ADCY3: variants seen among roughly 807,000 people sequenced by gnomAD.
ADCY3 encodes adenylate cyclase 3, also known as adenylate cyclase type 3.
Under a neutral mutation model 119.4 loss-of-function variants are expected in ADCY3, and 70 were observed. The observed-to-expected ratio is 0.59, with a 90% CI of 0.48 to 0.72. The LOEUF (loss-of-function observed/expected upper bound fraction) is 0.72, where lower values mean the gene tolerates loss of function less well. Ranked by LOEUF, ADCY3 falls within the 30% of genes least tolerant of loss-of-function variation. The pLI, the probability that ADCY3 is intolerant of heterozygous loss-of-function variation, is 0.00. For missense variants in ADCY3, 1,238 were observed against 1,541.6 expected, an observed-to-expected ratio of 0.80 and a Z score of 3.30; for synonymous variants, 672 against 621.4, an observed-to-expected ratio of 1.08 and a Z score of -1.21.
Position 24,897,947 on chromosome 2 carries a change from A to C in ADCY3, c.675+20366T>G, listed in dbSNP as rs1263902652. 3.9e-4 allele frequency among the ~76,000 whole-genome samples: 60 copies of C among 152,210 alleles called. 1 individual carries two copies. Among genetic ancestry groups the C allele is most frequent in the Admixed American group, 3.9e-3 (60 of 15,282 alleles). On this transcript the variant is annotated intron_variant, in intron 2 of 21. Transcript: ENST00000679454. The stretch of plus-strand genomic sequence containing the variant: ...ATCTTCCTGAAAGGTAGCAGGGCTC[A>C]GGTCAACTGCCTGCTCCAAAGCTTT...
Position 24,848,443 on chromosome 2 carries a change from C to T in ADCY3, c.826-6059G>A, listed in dbSNP as rs941443346. On this transcript the variant is annotated intron_variant, in intron 3 of 21. Coordinates refer to ENST00000679454, the MANE Select transcript of ADCY3 (RefSeq NM_004036.5). ...ATAAATATGTGGGTAAATCTCTGTT[C>T]GGGGCTCTCAGCTCTGAAGGCTGTG... 1.6e-4 allele frequency among the ~76,000 whole-genome samples: 24 copies of T among 152,140 alleles called. No homozygotes were observed. The East Asian group carries it at 2.1e-3, about 13-fold the overall frequency.
At chr2:24,863,452 G>T (rs1272424825) in intron 3 of ADCY3, among the ~76,000 whole-genome samples, 3 of 152,212 alleles carry the variant, frequency 2.0e-5, no homozygotes, top group Admixed American at 6.5e-5. Flanking sequence ...ATGGCCTATT[G>T]TGGGACCTTG....
At chr2:24,897,906 G>A (rs1035547286) in intron 2 of ADCY3, among the ~76,000 whole-genome samples, 2 of 152,116 alleles carry the variant, frequency 1.3e-5, no homozygotes, top group South Asian at 2.1e-4. Context: ...AGCCATCACC[G>A]TTCGCTGCCA....
chr2:24,856,428 G>A (rs925061917), intron 3 of ADCY3, among the ~76,000 whole-genome samples: 2 of 152,134 alleles, frequency 1.3e-5, no homozygotes, highest in Admixed American at 1.3e-4. Context: ...TCTTGGTCCC[G>A]ATTAATCCAG....
At chr2:24,909,557 A>G (rs1415633117) in intron 2 of ADCY3, among the ~76,000 whole-genome samples, 1 of 152,122 alleles carries the variant, frequency 6.6e-6, no homozygotes, top group Non-Finnish European at 1.5e-5. Flanking sequence ...CTGAGCCACC[A>G]TTTCTCTCTG....
intron 2 of ADCY3, among the ~76,000 whole-genome samples, chr2:24,901,442 G>A (rs780294438): frequency 1.3e-5 from 2 of 152,196 alleles, no homozygotes; most frequent in Non-Finnish European, 2.9e-5. Context: ...AAAGTAAAGT[G>A]AGTATTTTGA....
At chr2:24,851,903 C>T (rs1055284647) in intron 3 of ADCY3, among the ~76,000 whole-genome samples, 2 of 152,188 alleles carry the variant, frequency 1.3e-5, no homozygotes, top group Non-Finnish European at 2.9e-5. Flanking sequence ...TCTTCCCTGC[C>T]GTGTAAACCC....
chr2:24,833,237 C>G (rs1300258411), intron 11 of ADCY3, among the ~76,000 whole-genome samples: 1 of 152,214 alleles, frequency 6.6e-6, no homozygotes, highest in Non-Finnish European at 1.5e-5. Context: ...GAAGCTGGCA[C>G]CCTGCAGTGG....
chr2:24,869,780 G>A (rs2384056), intron 3 of ADCY3, among the ~76,000 whole-genome samples: 49,297 of 151,908 alleles, frequency 0.32, 8,165 homozygotes, highest in South Asian at 0.4. Context: ...CAAACTATCA[G>A]GGGTTAGAAA....
chr2:24,843,010 C>A (rs1018623898), intron 3 of ADCY3, among the ~76,000 whole-genome samples: 4 of 152,198 alleles, frequency 2.6e-5, no homozygotes, highest in Non-Finnish European at 4.4e-5. Flanking sequence ...GGGGAGGAGG[C>A]ATCAAGGAGG....
chr2:24,840,132 T>G (rs1670824075), intron 6 of ADCY3, 101 bp from the exon 7 acceptor site: 4 of 1,465,060 alleles, frequency 2.7e-6, no homozygotes, highest in Admixed American at 4.0e-5. Context: ...CCTCTTCCCC[T>G]CCACAAGAGG....
In ADCY3 at chr2:24,821,619, GCT is replaced by G; in HGVS notation, c.3023_3024del (p.Glu1008AlafsTer7). 3.7e-6 allele frequency: 6 copies of G among 1,614,052 alleles called. No homozygotes were observed. The highest frequency in any genetic ancestry group is 5.1e-6 in the Non-Finnish European group (6 of 1,180,008). On this transcript the variant is annotated frameshift_variant, in exon 20 of 22. Coordinates refer to ENST00000679454, the MANE Select transcript of ADCY3 (RefSeq NM_004036.5). LOFTEE classifies it high-confidence loss of function. ...GCCAGGTCAGCCAGGTGCTGCCAGC[GCT>G]CTCTCTCGGACTTGTCTTCCTGTGC... ...SSNKEDKSER[E>X]RWQHLADLAD...
chr2:24,905,186 T>G (rs1049141857), intron 2 of ADCY3, among the ~76,000 whole-genome samples: 1 of 150,568 alleles, frequency 6.6e-6, no homozygotes, highest in Non-Finnish European at 1.5e-5. Flanking sequence ...CAGGCTGGAG[T>G]GCAGTGGCAC....
intron 2 of ADCY3, among the ~76,000 whole-genome samples, chr2:24,902,715 C>T (rs1380907413): frequency 6.6e-6 from 1 of 152,100 alleles, no homozygotes; most frequent in African/African-American, 2.4e-5. Context: ...TGATGATCCA[C>T]CTCCACTTAA....
chr2:24,820,140 G>T lies in ADCY3; in HGVS notation c.3253-26C>A, dbSNP rs777713169. The T allele has an allele frequency of 9.9e-6, 15 of 1,520,078 alleles. No individual in the cohort carries two copies. The South Asian group carries it at 1.8e-4, about 18-fold the overall frequency. The allele number at this position is 1,520,078 out of a possible 1,614,324, so 94.2% of individuals were successfully genotyped here. On this transcript the variant is annotated intron_variant, in intron 21 of 21. Transcript: ENST00000679454. Reference sequence around the variant, plus strand: ...CTGGAGAGGGAGGGGGAGCAAGAACGTGGCGTTACGGGGGGAGCCTAGACT... The same window carrying T: ...CTGGAGAGGGAGGGGGAGCAAGAACTTGGCGTTACGGGGGGAGCCTAGACT...
At chr2:24,830,044 C>CTTTT (rs66894795) in intron 13 of ADCY3, among the ~76,000 whole-genome samples, 2 of 132,732 alleles carry the variant, frequency 1.5e-5, no homozygotes, top group African/African-American at 5.7e-5. Context: ...AGTGAATTAC[C>CTTTT]TTTTTTTTTT....
intron 13 of ADCY3, among the ~76,000 whole-genome samples, chr2:24,829,645 A>G (rs887941414): frequency 6.7e-6 from 1 of 149,482 alleles, no homozygotes; most frequent in Non-Finnish European, 1.5e-5. Flanking sequence ...GATGATTTCG[A>G]TCTCCTGACC....
intron 7 of ADCY3, 72 bp from the exon 8 acceptor site, chr2:24,838,694 G>T: frequency 6.3e-7 from 1 of 1,599,070 alleles, no homozygotes; most frequent in Non-Finnish European, 8.5e-7. Flanking sequence ...ACAGTCCACG[G>T]ACCACGGCTG....
intron 7 of ADCY3, 97 bp from the exon 8 acceptor site, chr2:24,838,719 C>A: frequency 1.3e-6 from 2 of 1,587,882 alleles, no homozygotes; most frequent in South Asian, 2.3e-5. Context: ...GGCTGCTGCT[C>A]GGCCCCGTGT....
Sources: allele counts gnomAD v4.1 joint callset (sites outside exome capture counted in the v4.1 genomes callset), GRCh38; gene constraint gnomAD v4.1.1; transcripts MANE v1.5; gene names NCBI Gene and HGNC (gene_info 2026-07-23, HGNC 2026-07-21).